Variants in DIXDC1 observed in about 807,000 individuals in gnomAD.
The protein encoded by DIXDC1 is dixin.
In DIXDC1, 64 loss-of-function variants were observed where a neutral mutation model predicts 103.1. The observed-to-expected ratio is 0.62, with a 90% CI of 0.51 to 0.76. DIXDC1 has a LOEUF of 0.76. DIXDC1 is among the 30% of genes least tolerant of loss of function. The pLI, the probability that DIXDC1 is intolerant of heterozygous loss-of-function variation, is 0.00. For synonymous variants in DIXDC1, 266 were observed against 298.5 expected, an observed-to-expected ratio of 0.89 and a Z score of 1.12; for missense variants, 759 against 834.2, an observed-to-expected ratio of 0.91 and a Z score of 1.11.
At chr11:111,995,799 G>A (rs893741854) in intron 16 of DIXDC1, among the ~76,000 whole-genome samples, 2 of 152,092 alleles carry the variant, frequency 1.3e-5, no homozygotes. Context: ...TGTAAAGATT[G>A]TGGCTCTTGA....
intron 1 of DIXDC1, among the ~76,000 whole-genome samples, chr11:111,947,835 T>C (rs1459653540): frequency 1.3e-5 from 2 of 152,192 alleles, no homozygotes; most frequent in East Asian, 3.9e-4. Flanking sequence ...ATCAATGATT[T>C]AATTGAAGAC....
intron 1 of DIXDC1, among the ~76,000 whole-genome samples, chr11:111,960,857 G>A (rs1047589015): frequency 6.6e-5 from 10 of 152,080 alleles, no homozygotes; most frequent in Admixed American, 2.0e-4. Context: ...GGACTGTTTC[G>A]CTGGGAAAAG....
chr11:111,961,313 A>G (rs1382973113), intron 1 of DIXDC1, among the ~76,000 whole-genome samples: 1 of 152,222 alleles, frequency 6.6e-6, no homozygotes, highest in Non-Finnish European at 1.5e-5. Context: ...GCATTTATTT[A>G]GGCAGCAGTG....
chr11:112,020,489 G>A lies in DIXDC1; in HGVS notation c.*1453G>A, dbSNP rs938964440. On this transcript the variant is annotated 3_prime_UTR_variant, in exon 20 of 20. Coordinates refer to ENST00000440460, the MANE Select transcript of DIXDC1 (RefSeq NM_001037954.4). ...TAGTTCACGTTTGGAGAATTCTTTT[G>A]TACTCATTTGCTTTTTGTCTGAGAA... is the stretch of plus-strand genomic sequence containing the variant. 1 of 152,452 alleles carries A rather than the reference G, an allele frequency of 6.6e-6. No homozygotes were observed. Among genetic ancestry groups the A allele is most frequent in the Non-Finnish European group, 1.5e-5 (1 of 68,012 alleles). The allele number at this position is 152,452 out of a possible 1,614,324, so 9.4% of individuals were successfully genotyped here.
At chr11:112,006,250 C>T (rs1413264979) in intron 17 of DIXDC1, among the ~76,000 whole-genome samples, 4 of 152,222 alleles carry the variant, frequency 2.6e-5, no homozygotes, top group African/African-American at 9.6e-5. Flanking sequence ...CCTGCCATTG[C>T]TGAGGCTTGA....
At chr11:111,978,261 T>C (rs782290260) in intron 5 of DIXDC1, among the ~76,000 whole-genome samples, 23 of 152,212 alleles carry the variant, frequency 1.5e-4, no homozygotes, top group Non-Finnish European at 3.2e-4. Flanking sequence ...ATAGGACTTT[T>C]AAGCTAATCA....
rs1860096459 is a variant in DIXDC1 at position 111,976,416 on chromosome 11, G to A, written c.656+1433G>A. Among the ~76,000 whole-genome samples, 1 of 152,160 alleles carries A rather than the reference G, an allele frequency of 6.6e-6. No homozygotes were observed. Among genetic ancestry groups the A allele is most frequent in the East Asian group, 1.9e-4 (1 of 5,200 alleles). On this transcript the variant is annotated intron_variant, in intron 5 of 19. Coordinates refer to ENST00000440460, the MANE Select transcript of DIXDC1 (RefSeq NM_001037954.4). The surrounding 1 kb of genome is among the most constrained non-coding windows in gnomAD (Gnocchi z 4.3). ...ATGGTGACAGTTTTCTAGGAGAGGG[G>A]CCAGAGGAGAATTGTTTGCTTTACC...
At position 112,020,232 on chromosome 11, in the gene DIXDC1, C is replaced by G. The variant is rs1450192645; in HGVS notation, c.*1196C>G. 3 of 152,610 alleles carry G rather than the reference C, an allele frequency of 2.0e-5. No homozygotes were observed. Among genetic ancestry groups the G allele is most frequent in the Admixed American group, 1.3e-4 (2 of 15,292 alleles). 9.5% of individuals were successfully genotyped at this position (152,610 alleles called of 1,614,324 possible). A position where few individuals can be genotyped will look rare whatever the true frequency, so the allele number is the denominator to read the frequency against. ...AACCTGGGTTTTCTCATTCATCCATCAAGCACCATCAACCAGTCAGCCATT... is the reference window on the plus strand; with the variant it reads ...AACCTGGGTTTTCTCATTCATCCATGAAGCACCATCAACCAGTCAGCCATT... On this transcript the variant is annotated 3_prime_UTR_variant, in exon 20 of 20. Coordinates refer to ENST00000440460, the MANE Select transcript of DIXDC1 (RefSeq NM_001037954.4).
chr11:112,006,599 GGCAATATTTGCTGTTCT>G (rs1388821073), intron 17 of DIXDC1, among the ~76,000 whole-genome samples: 7 of 152,180 alleles, frequency 4.6e-5, no homozygotes, highest in South Asian at 2.1e-4. Context: ...GGAAGGATCA[GGCAATATTTGCTGTTCT>G]GCAATATTTG....
intron 17 of DIXDC1, among the ~76,000 whole-genome samples, chr11:112,015,137 G>A (rs1174247861): frequency 6.6e-6 from 1 of 151,988 alleles, no homozygotes; most frequent in Non-Finnish European, 1.5e-5. Context: ...CGCCCACCTC[G>A]GCCTCCCAAA....
At chr11:111,957,480 A>G (rs1859427203) in intron 1 of DIXDC1, among the ~76,000 whole-genome samples, 1 of 152,248 alleles carries the variant, frequency 6.6e-6, no homozygotes, top group Admixed American at 6.5e-5. Context: ...TAACCAAGTG[A>G]CTGAAGTTAA....
intron 5 of DIXDC1, among the ~76,000 whole-genome samples, chr11:111,979,502 A>G (rs1288622111): frequency 2.0e-5 from 3 of 152,332 alleles, no homozygotes; most frequent in African/African-American, 4.8e-5. Flanking sequence ...TGATGTTCTC[A>G]AGGTGCAGTG....
Position 111,976,454 on chromosome 11 carries a change from A to G in DIXDC1, c.656+1471A>G, listed in dbSNP as rs977335938. 6.6e-6 allele frequency among the ~76,000 whole-genome samples: 1 copy of G among 152,044 alleles called. No individual in the cohort carries two copies. Among genetic ancestry groups the G allele is most frequent in the East Asian group, 1.9e-4 (1 of 5,176 alleles). On this transcript the variant is annotated intron_variant, in intron 5 of 19. Coordinates refer to ENST00000440460, the MANE Select transcript of DIXDC1 (RefSeq NM_001037954.4). This position sits in a 1 kb window ranked among gnomAD's most constrained non-coding sequence, Gnocchi z 4.3. ...TGTTTGCTTTACCCTGTTTTTCACT[A>G]CTGGATTTTGACATTTTCTTCTAAT...
chr11:111,978,360 A>C (rs969281734), intron 5 of DIXDC1, among the ~76,000 whole-genome samples: 1 of 152,112 alleles, frequency 6.6e-6, no homozygotes, highest in African/African-American at 2.4e-5. Flanking sequence ...TTCCTTGTCC[A>C]TGAGGTACTT....
Position 111,982,319 on chromosome 11 carries a change from T to C in DIXDC1, c.770-20T>C, listed in dbSNP as rs782626636. On this transcript the variant is annotated intron_variant, in intron 6 of 19. Transcript: ENST00000440460. ...CAGTTTTCTTCAACATGAACTGTACTCCCTCTTTTCATTTTTTAGAAGGGA... is the reference window on the plus strand; with the variant it reads ...CAGTTTTCTTCAACATGAACTGTACCCCCTCTTTTCATTTTTTAGAAGGGA... 5.6e-6 allele frequency: 9 copies of C among 1,610,600 alleles called. No homozygotes were observed. The South Asian group carries it at 9.9e-5, about 18-fold the overall frequency.
chr11:111,976,032 C>T lies in DIXDC1; in HGVS notation c.656+1049C>T, dbSNP rs1006321316. 37 of 535,332 alleles carry T rather than the reference C, an allele frequency of 6.9e-5. No homozygotes were observed. The South Asian group carries it at 7.4e-4, about 11-fold the overall frequency. The allele number at this position is 535,332 out of a possible 1,614,324, so 33.2% of individuals were successfully genotyped here. ...CATTTAGTATCTTCATAATGTGGTGCGACCATCACCTCTATCCACTCAGAA... is the reference window on the plus strand; with the variant it reads ...CATTTAGTATCTTCATAATGTGGTGTGACCATCACCTCTATCCACTCAGAA... On this transcript the variant is annotated intron_variant, in intron 5 of 19. Transcript: ENST00000440460. The surrounding 1 kb of genome is among the most constrained non-coding windows in gnomAD (Gnocchi z 4.3).
chr11:111,971,373 A>G (rs1182991735), intron 3 of DIXDC1, among the ~76,000 whole-genome samples: 1 of 152,236 alleles, frequency 6.6e-6, no homozygotes, highest in Admixed American at 6.5e-5. Flanking sequence ...ATCAACACTA[A>G]TCAGATAAAT....
At chr11:111,994,435 ACT>A (rs1268952810) in intron 14 of DIXDC1, among the ~76,000 whole-genome samples, 20 of 151,652 alleles carry the variant, frequency 1.3e-4, no homozygotes, top group African/African-American at 4.8e-4. Flanking sequence ...ATATATATAC[ACT>A]CACACATATA....
intron 1 of DIXDC1, among the ~76,000 whole-genome samples, chr11:111,929,144 A>C (rs1394140993): frequency 2.0e-5 from 3 of 152,138 alleles, no homozygotes; most frequent in Non-Finnish European, 4.4e-5. Flanking sequence ...GTGCCACCGC[A>C]CTCCAGCCTG....
Sources: allele counts gnomAD v4.1 joint callset (sites outside exome capture counted in the v4.1 genomes callset), GRCh38; gene constraint gnomAD v4.1.1; non-coding constraint Gnocchi (gnomAD v3.1); transcripts MANE v1.5; gene names NCBI Gene and HGNC (gene_info 2026-07-23, HGNC 2026-07-21).